The following PRKCA variants were observed in gnomAD, a reference collection of about 807,000 sequenced individuals.
The protein encoded by PRKCA is protein kinase C alpha.
A neutral mutation model predicts 87.0 loss-of-function variants in PRKCA; 27 were observed. The observed-to-expected ratio is 0.31, with a 90% CI of 0.23 to 0.43. The LOEUF (loss-of-function observed/expected upper bound fraction) is 0.43. Among genes scored for constraint, PRKCA ranks in the 20% least tolerant of loss-of-function variants. The pLI is 1.00. For missense variants in PRKCA, 518 were observed against 852.3 expected, an observed-to-expected ratio of 0.61 and a Z score of 4.88; for synonymous variants, 329 against 311.1, an observed-to-expected ratio of 1.06 and a Z score of -0.61.
At chr17:66,433,303 G>T (rs551285933) in intron 2 of PRKCA, among the ~76,000 whole-genome samples, 1 of 152,222 alleles carries the variant, frequency 6.6e-6, no homozygotes, top group East Asian at 1.9e-4. Context: ...CCTGGCCCTG[G>T]TCCTGGCCCT....
At chr17:66,738,659 A>T (rs898260911) in intron 10 of PRKCA, 105 bp from the exon 11 acceptor site, 4 of 850,744 alleles carry the variant, frequency 4.7e-6, no homozygotes, top group Non-Finnish European at 7.9e-6. Context: ...CTGCCCATGC[A>T]GTCCCCATTT....
chr17:66,428,588 TC>T (rs1296155992), intron 2 of PRKCA, among the ~76,000 whole-genome samples: 3 of 151,830 alleles, frequency 2.0e-5, no homozygotes, highest in Non-Finnish European at 4.4e-5. Flanking sequence ...ACTGCAACCT[TC>T]ACCTCCTGGG....
intron 10 of PRKCA, among the ~76,000 whole-genome samples, chr17:66,735,920 C>CTTTTTTTT (rs5821508): frequency 8.2e-5 from 10 of 122,116 alleles, no homozygotes; most frequent in Non-Finnish European, 1.6e-4. Flanking sequence ...TTCTTTCTTT[C>CTTTTTTTT]TTTTTTTTTT....
intron 3 of PRKCA, among the ~76,000 whole-genome samples, chr17:66,541,245 T>C (rs1034541845): frequency 9.9e-5 from 15 of 152,202 alleles, no homozygotes; most frequent in African/African-American, 3.4e-4. Context: ...ACTGCACAGA[T>C]TGACCAAGAG....
At chr17:66,328,387 G>T (rs574515666) in intron 2 of PRKCA, among the ~76,000 whole-genome samples, 100 of 151,016 alleles carry the variant, frequency 6.6e-4, no homozygotes, top group African/African-American at 2.4e-3. Flanking sequence ...AATAATATTT[G>T]AATGAACTCT....
At chr17:66,719,207 A>G (rs896432566) in intron 8 of PRKCA, among the ~76,000 whole-genome samples, 2 of 152,232 alleles carry the variant, frequency 1.3e-5, no homozygotes, top group African/African-American at 4.8e-5. Flanking sequence ...TCTAACAATA[A>G]GGAATGGTTA....
At position 66,302,907 on chromosome 17, in the gene PRKCA, G is replaced by T; in HGVS notation, c.56G>T (p.Arg19Leu). The change falls in exon 1 of 17, where the codon CGC becomes CTC. Residue 19 changes from arginine (R) to leucine (L), a missense_variant. Transcript: ENST00000413366. ...DSTASQDVAN[R>L]FARKGALRQK... ...ACGGCGTCTCAGGACGTGGCCAACC[G>T]CTTCGCCCGCAAAGGGGCGCTGAGG... The T allele has an allele frequency of 6.2e-7, 1 of 1,606,852 alleles. No homozygotes were observed. Among genetic ancestry groups the T allele is most frequent in the Non-Finnish European group, 8.5e-7 (1 of 1,175,756 alleles).
intron 3 of PRKCA, among the ~76,000 whole-genome samples, chr17:66,602,869 G>A (rs1160214296): frequency 1.3e-5 from 2 of 152,306 alleles, no homozygotes; most frequent in East Asian, 3.9e-4. Context: ...GCTGTCTGCA[G>A]TGGGAAGGAG....
chr17:66,471,460 G>C (rs1233435882), intron 2 of PRKCA, among the ~76,000 whole-genome samples: 1 of 152,176 alleles, frequency 6.6e-6, no homozygotes, highest in Non-Finnish European at 1.5e-5. Flanking sequence ...ACCACTGAAG[G>C]TATCCTGAGT....
chr17:66,346,053 C>A (rs1160969654), intron 2 of PRKCA, among the ~76,000 whole-genome samples: 1 of 151,354 alleles, frequency 6.6e-6, no homozygotes, highest in Admixed American at 6.6e-5. Flanking sequence ...GAGTGAATGA[C>A]TGAGTGCCAG....
At chr17:66,308,665 CTG>C (rs1185037952) in intron 2 of PRKCA, among the ~76,000 whole-genome samples, 3 of 152,062 alleles carry the variant, frequency 2.0e-5, no homozygotes, top group Non-Finnish European at 4.4e-5. Flanking sequence ...ATTTTGTTTA[CTG>C]TGTCTCATCT....
At chr17:66,367,860 C>T (rs1374533751) in intron 2 of PRKCA, among the ~76,000 whole-genome samples, 2 of 152,176 alleles carry the variant, frequency 1.3e-5, no homozygotes, top group Non-Finnish European at 2.9e-5. Context: ...AGGTGAAAGA[C>T]CCTCTGCAAA....
intron 13 of PRKCA, among the ~76,000 whole-genome samples, chr17:66,743,755 G>A (rs1014116799): frequency 6.6e-6 from 1 of 152,092 alleles, no homozygotes; most frequent in Non-Finnish European, 1.5e-5. Context: ...TCTTCACAGA[G>A]CCCTCAGATG....
chr17:66,751,211 C>T (rs924679547), intron 13 of PRKCA, among the ~76,000 whole-genome samples: 3 of 152,216 alleles, frequency 2.0e-5, no homozygotes, highest in African/African-American at 7.2e-5. Flanking sequence ...TCTTGCTATG[C>T]GCCACGCACT....
rs925959092 is a variant in PRKCA at position 66,803,248 on chromosome 17, G to A, written c.1855-625G>A. Among the ~76,000 whole-genome samples, 2 of 152,094 alleles carry A rather than the reference G, an allele frequency of 1.3e-5. No individual in the cohort carries two copies. The highest frequency in any genetic ancestry group is 2.4e-5 in the African/African-American group (1 of 41,400). On this transcript the variant is annotated intron_variant, in intron 16 of 16. Coordinates refer to ENST00000413366, the MANE Select transcript of PRKCA (RefSeq NM_002737.3). This position sits in a 1 kb window ranked among gnomAD's most constrained non-coding sequence, Gnocchi z 4.4. ...CTCCAGTCAGTCACCCAGCCTGCCCGCTGGCCAGCTCTGTCTAGGTGTGCT... is the reference window on the plus strand; with the variant it reads ...CTCCAGTCAGTCACCCAGCCTGCCCACTGGCCAGCTCTGTCTAGGTGTGCT...
chr17:66,324,822 C>T (rs1905880495), intron 2 of PRKCA, among the ~76,000 whole-genome samples: 1 of 152,128 alleles, frequency 6.6e-6, no homozygotes, highest in Admixed American at 6.6e-5. Context: ...GCAGATAACA[C>T]TCATTAGTCA....
intron 8 of PRKCA, among the ~76,000 whole-genome samples, chr17:66,693,441 T>G (rs1343193401): frequency 2.6e-5 from 4 of 152,238 alleles, no homozygotes. Flanking sequence ...GTTCCTGCTT[T>G]CTTTGGAGCT....
chr17:66,609,342 A>G (rs992883960), intron 3 of PRKCA, among the ~76,000 whole-genome samples: 1 of 152,178 alleles, frequency 6.6e-6, no homozygotes, highest in Non-Finnish European at 1.5e-5. Flanking sequence ...GGCCACTGGT[A>G]AATGAATGAA....
At chr17:66,586,305 C>T (rs1359548756) in intron 3 of PRKCA, among the ~76,000 whole-genome samples, 1 of 152,064 alleles carries the variant, frequency 6.6e-6, no homozygotes, top group Non-Finnish European at 1.5e-5. Context: ...TCCTTCAGCC[C>T]AGGACTCAGT....
Sources: allele counts gnomAD v4.1 joint callset (sites outside exome capture counted in the v4.1 genomes callset), GRCh38; gene constraint gnomAD v4.1.1; non-coding constraint Gnocchi (gnomAD v3.1); transcripts MANE v1.5; gene names NCBI Gene and HGNC (gene_info 2026-07-23, HGNC 2026-07-21).